Variants in NSD3 observed in about 807,000 individuals in gnomAD.
NSD3 encodes histone-lysine N-methyltransferase NSD3.
NSD3 carries 24 observed loss-of-function variants against 160.8 expected under a neutral mutation model. The ratio of observed to expected loss-of-function variants is 0.15; its 90% CI spans 0.11 to 0.21. NSD3 has a LOEUF of 0.21. Ranked by LOEUF, NSD3 falls within the 10% of genes least tolerant of loss-of-function variation. The pLI is 1.00. For missense variants in NSD3, 1,157 were observed against 1,735.9 expected, an observed-to-expected ratio of 0.67 and a Z score of 5.93; for synonymous variants, 520 against 600.0, an observed-to-expected ratio of 0.87 and a Z score of 1.95.
In NSD3 at chr8:38,280,755, C is replaced by CT. The variant is rs780082168; in HGVS notation, c.3618+711dup. ...TTCTTATGACAGCGCTCATTATTTTCTTTTTTTTTTTTTTTGAGACAGGGT... is the reference window on the plus strand; with the variant it reads ...TTCTTATGACAGCGCTCATTATTTTCTTTTTTTTTTTTTTTTGAGACAGGGT... On this transcript the variant is annotated intron_variant, in intron 20 of 23. Coordinates refer to ENST00000317025, the MANE Select transcript of NSD3 (RefSeq NM_023034.2). 2.9e-3 allele frequency among the ~76,000 whole-genome samples: 399 copies of CT among 138,588 alleles called. 1 individual carries two copies. The highest frequency in any genetic ancestry group is 6.2e-3 in the Admixed American group (85 of 13,756). 90.9% of individuals were successfully genotyped at this position (138,588 alleles called of 152,430 possible).
chr8:38,356,486 G>C (rs762563799), intron 1 of NSD3, among the ~76,000 whole-genome samples: 12 of 152,182 alleles, frequency 7.9e-5, no homozygotes, highest in Middle Eastern at 3.4e-3. Context: ...GGAGGCTGAA[G>C]TAGAGGGCCT....
chr8:38,293,640 G>C (rs1202487997), intron 16 of NSD3, among the ~76,000 whole-genome samples: 1 of 151,198 alleles, frequency 6.6e-6, no homozygotes, highest in Non-Finnish European at 1.5e-5. Context: ...ATATATTTTA[G>C]AGCCGGGCAC....
chr8:38,352,443 A>C (rs997714005), intron 1 of NSD3, among the ~76,000 whole-genome samples: 1 of 152,212 alleles, frequency 6.6e-6, no homozygotes, highest in African/African-American at 2.4e-5. Context: ...CAGCTCATTT[A>C]ATAATCACAA....
chr8:38,280,440 C>T (rs1156261298), intron 20 of NSD3, among the ~76,000 whole-genome samples: 1 of 152,082 alleles, frequency 6.6e-6, no homozygotes, highest in African/African-American at 2.4e-5. Context: ...AACTTTCAAA[C>T]AATGACGTAT....
intron 12 of NSD3, among the ~76,000 whole-genome samples, chr8:38,310,176 C>T (rs1373051116): frequency 6.6e-6 from 1 of 152,086 alleles, no homozygotes; most frequent in Non-Finnish European, 1.5e-5. Flanking sequence ...AAACTTGGTA[C>T]CCATTAAAGA....
intron 19 of NSD3, among the ~76,000 whole-genome samples, chr8:38,287,113 C>T (rs1239109519): frequency 6.6e-6 from 1 of 152,078 alleles, no homozygotes; most frequent in African/African-American, 2.4e-5. Context: ...ACACATGTAC[C>T]GAATAACTGA....
At chr8:38,358,875 T>C (rs538788413) in intron 1 of NSD3, among the ~76,000 whole-genome samples, 1 of 152,228 alleles carries the variant, frequency 6.6e-6, no homozygotes, top group East Asian at 1.9e-4. Flanking sequence ...TTTACAATTT[T>C]TCCCCAAATT....
At chr8:38,338,021 G>A (rs551795206) in intron 3 of NSD3, among the ~76,000 whole-genome samples, 2 of 152,254 alleles carry the variant, frequency 1.3e-5, no homozygotes, top group Non-Finnish European at 2.9e-5. Context: ...CACATGATCG[G>A]CCAGGCGCGG....
At chr8:38,356,772 T>C (rs1437004053) in intron 1 of NSD3, among the ~76,000 whole-genome samples, 1 of 152,148 alleles carries the variant, frequency 6.6e-6, no homozygotes, top group Non-Finnish European at 1.5e-5. Flanking sequence ...TTTTTCTATG[T>C]TTAAAATGCC....
At chr8:38,369,819 G>C (rs926172956) in intron 1 of NSD3, among the ~76,000 whole-genome samples, 5 of 152,122 alleles carry the variant, frequency 3.3e-5, no homozygotes, top group Non-Finnish European at 5.9e-5. Context: ...TTTTGAGACA[G>C]AGTCTCGCTC....
At chr8:38,307,114 C>CA (rs1194554014) in intron 12 of NSD3, among the ~76,000 whole-genome samples, 751 of 64,052 alleles carry the variant, frequency 0.012, 8 homozygotes, top group East Asian at 0.068. Flanking sequence ...GATACCGTCT[C>CA]AAAAAAAAAA....
At chr8:38,367,161 C>G (rs1563370305) in intron 1 of NSD3, among the ~76,000 whole-genome samples, 1 of 152,158 alleles carries the variant, frequency 6.6e-6, no homozygotes. Flanking sequence ...AGGATGTACT[C>G]TAACATTGGT....
chr8:38,366,256 G>T (rs1218433071), intron 1 of NSD3, among the ~76,000 whole-genome samples: 1 of 151,710 alleles, frequency 6.6e-6, no homozygotes, highest in African/African-American at 2.4e-5. Flanking sequence ...AACTATTACT[G>T]ATAAGTTATA....
intron 1 of NSD3, among the ~76,000 whole-genome samples, chr8:38,372,717 A>G (rs1382862815): frequency 2.0e-5 from 3 of 149,712 alleles, no homozygotes; most frequent in Non-Finnish European, 4.5e-5. Flanking sequence ...GCTGGTCTCC[A>G]ACTCCTCCCC....
Position 38,275,617 on chromosome 8 carries a change from T to C in NSD3, c.*24A>G. ...GATCTATTTGCTTTTTTCACTTAAA[T>C]AGAAAGGAGGGGACACCACACATTT... is the stretch of plus-strand genomic sequence containing the variant. On this transcript the variant is annotated 3_prime_UTR_variant, in exon 24 of 24. Transcript: ENST00000317025. The C allele has an allele frequency of 6.9e-6, 11 of 1,596,922 alleles. No individual in the cohort carries two copies. The highest frequency in any genetic ancestry group is 5.6e-5 in the South Asian group (5 of 89,514).
At chr8:38,279,742 C>T (rs898029319) in intron 20 of NSD3, 61 bp from the exon 21 acceptor site, 7 of 1,555,386 alleles carry the variant, frequency 4.5e-6, no homozygotes, top group Non-Finnish European at 6.1e-6. Context: ...AAACATCCAA[C>T]TCAGTCAAGG....
rs1808911951 is a variant in NSD3, at chr8:38,288,208, A to T, written c.3501+279T>A. Among the ~76,000 whole-genome samples the T allele has an allele frequency of 1.3e-5, 2 of 151,550 alleles. No individual in the cohort carries two copies. The highest frequency in any genetic ancestry group is 2.4e-5 in the African/African-American group (1 of 41,070). ...TAAAAGAAAATAAAAATAAAACAAT[A>T]AAAAAAACAAGTAAAAACCATTTCA... is the stretch of plus-strand genomic sequence containing the variant. On this transcript the variant is annotated intron_variant, in intron 19 of 23. Coordinates refer to ENST00000317025, the MANE Select transcript of NSD3 (RefSeq NM_023034.2). The surrounding 1 kb of genome is among the most constrained non-coding windows in gnomAD (Gnocchi z 4.5).
chr8:38,297,573 T>G (rs1809182186), intron 15 of NSD3, among the ~76,000 whole-genome samples: 1 of 152,192 alleles, frequency 6.6e-6, no homozygotes, highest in African/African-American at 2.4e-5. Flanking sequence ...CTTGTCTTCC[T>G]ATAAATTTTC....
At chr8:38,357,900 A>G (rs1174700632) in intron 1 of NSD3, among the ~76,000 whole-genome samples, 1 of 152,154 alleles carries the variant, frequency 6.6e-6, no homozygotes, top group African/African-American at 2.4e-5. Flanking sequence ...CTCAGGTAAT[A>G]TCCTTGGTAA....
Sources: gnomAD v4.1 joint callset for allele counts (sites outside exome capture counted in the v4.1 genomes callset) on GRCh38, gnomAD v4.1.1 for gene constraint, Gnocchi (gnomAD v3.1) non-coding constraint, MANE v1.5 for transcripts, NCBI Gene and HGNC (gene_info 2026-07-23, HGNC 2026-07-21) for gene names.